The following EIF4G3 variants were observed in gnomAD, a reference collection of about 807,000 sequenced individuals.
The protein encoded by EIF4G3 is eukaryotic translation initiation factor 4 gamma 3, also known as eIF-4-gamma 3.
Under a neutral mutation model 186.4 loss-of-function variants are expected in EIF4G3, and 34 were observed. That is an observed-to-expected ratio of 0.18 (90% CI 0.14 to 0.24). The LOEUF (loss-of-function observed/expected upper bound fraction) is 0.24. EIF4G3 is among the 10% of genes least tolerant of loss of function. The pLI, the probability that EIF4G3 is intolerant of heterozygous loss-of-function variation, is 1.00. For synonymous variants in EIF4G3, 673 were observed against 679.5 expected, an observed-to-expected ratio of 0.99 and a Z score of 0.15; for missense variants, 1,536 against 1,948.5, an observed-to-expected ratio of 0.79 and a Z score of 3.99.
chr1:20,860,354 TTCTC>T (rs761821783), intron 24 of EIF4G3, 27 bp downstream of exon 24: 1 of 1,611,270 alleles, frequency 6.2e-7, no homozygotes, highest in Non-Finnish European at 8.5e-7. Context: ...AACTTCCAAG[TTCTC>T]TAAACCCTGG....
In EIF4G3 at chr1:20,943,578, A is replaced by G. The variant is rs532351131; in HGVS notation, c.824-1248T>C. 3.9e-5 allele frequency among the ~76,000 whole-genome samples: 6 copies of G among 152,344 alleles called. 1 individual carries two copies. The highest frequency in any genetic ancestry group is 9.6e-5 in the African/African-American group (4 of 41,592). On this transcript the variant is annotated intron_variant, in intron 13 of 36. Coordinates refer to ENST00000602326, the MANE Select transcript of EIF4G3 (RefSeq NM_001391906.1). Reference sequence around the variant, plus strand: ...AGGCTCCATGGAAAAACATATACTCATGAGTATGTTTATCAAATGACAACA... The same window carrying G: ...AGGCTCCATGGAAAAACATATACTCGTGAGTATGTTTATCAAATGACAACA...
intron 33 of EIF4G3, among the ~76,000 whole-genome samples, chr1:20,820,084 A>T (rs2061954743): frequency 6.6e-6 from 1 of 151,746 alleles, no homozygotes; most frequent in Non-Finnish European, 1.5e-5. Context: ...CACCCAAACC[A>T]TAGCTGCGGA....
chr1:20,930,990 G>A (rs1045337949), intron 14 of EIF4G3, among the ~76,000 whole-genome samples: 10 of 151,506 alleles, frequency 6.6e-5, no homozygotes, highest in Admixed American at 3.3e-4. Flanking sequence ...ACAGGCGTGC[G>A]CCACTGCACC....
intron 14 of EIF4G3, among the ~76,000 whole-genome samples, chr1:20,926,833 A>T (rs2094933808): frequency 6.6e-6 from 1 of 152,116 alleles, no homozygotes; most frequent in Non-Finnish European, 1.5e-5. Context: ...GTAAATAAAC[A>T]TTTAATAAAA....
chr1:20,966,475 A>ATTT (rs796461952), intron 12 of EIF4G3, among the ~76,000 whole-genome samples: 1 of 140,068 alleles, frequency 7.1e-6, no homozygotes, highest in Non-Finnish European at 1.6e-5. Context: ...ATGGGTCAAC[A>ATTT]TTTTTTTTTT....
intron 2 of EIF4G3, among the ~76,000 whole-genome samples, chr1:21,150,846 C>T (rs1490494111): frequency 6.6e-6 from 1 of 152,090 alleles, no homozygotes; most frequent in Non-Finnish European, 1.5e-5. Context: ...CATGGTGGCA[C>T]ATGCCTGTAA....
chr1:21,130,353 T>C lies in EIF4G3; in HGVS notation c.-271-41140A>G, dbSNP rs184436080. On this transcript the variant is annotated intron_variant, in intron 2 of 36. Transcript: ENST00000602326. ...AATTCTCCTGCCTCAGTCTCCCGAG[T>C]GGTTGGGATTAAAGGTGCCCACCAC... 2.1e-4 allele frequency among the ~76,000 whole-genome samples: 31 copies of C among 150,496 alleles called. No individual in the cohort carries two copies. The East Asian group carries it at 5.8e-3, about 28-fold the overall frequency.
intron 2 of EIF4G3, among the ~76,000 whole-genome samples, chr1:21,123,596 T>G (rs915272729): frequency 3.8e-4 from 57 of 151,626 alleles, no homozygotes; most frequent in African/African-American, 1.3e-3. Flanking sequence ...AAAAAAGTAT[T>G]AATAGATCAG....
chr1:20,810,632 G>T lies in EIF4G3; in HGVS notation c.4744+106C>A. On this transcript the variant is annotated intron_variant, in intron 36 of 36. Transcript: ENST00000602326. This position sits in a 1 kb window ranked among gnomAD's most constrained non-coding sequence, Gnocchi z 4.1. ...TTAGTTATATGAGTTTGTGTTATTA[G>T]TGATTCTTTTATTGTCCTTTGTTCG... The T allele has an allele frequency of 7.7e-7, 1 of 1,302,962 alleles. No individual in the cohort carries two copies. The highest frequency in any genetic ancestry group is 1.1e-6 in the Non-Finnish European group (1 of 930,692). The allele number at this position is 1,302,962 out of a possible 1,614,324, so 80.7% of individuals were successfully genotyped here.
Position 20,840,731 on chromosome 1 carries a change from A to G in EIF4G3, c.4061+125T>C, listed in dbSNP as rs12407283. On this transcript the variant is annotated intron_variant, in intron 30 of 36. Coordinates refer to ENST00000602326, the MANE Select transcript of EIF4G3 (RefSeq NM_001391906.1). Reference sequence around the variant, plus strand: ...AATATATTAATTGCATCATATCAACATATTACAGTGGATACAATTTTCATC... The same window carrying G: ...AATATATTAATTGCATCATATCAACGTATTACAGTGGATACAATTTTCATC... 1.3e-5 allele frequency: 11 copies of G among 822,874 alleles called. No individual in the cohort carries two copies. In the Admixed American group the frequency reaches 2.8e-4, roughly 21 times the overall value. The allele number at this position is 822,874 out of a possible 1,614,324, so 51.0% of individuals were successfully genotyped here.
chr1:21,169,565 T>C (rs146217834), intron 2 of EIF4G3: 2 of 152,336 alleles, frequency 1.3e-5, no homozygotes, highest in African/African-American at 4.8e-5. Flanking sequence ...AATTATGTCT[T>C]GCTCTTATAA....
chr1:21,024,102 C>T (rs2154571186), intron 4 of EIF4G3, among the ~76,000 whole-genome samples: 1 of 151,816 alleles, frequency 6.6e-6, no homozygotes, highest in South Asian at 2.1e-4. Flanking sequence ...CTCCGCCCAG[C>T]AGCCACCCCA....
intron 25 of EIF4G3, 75 bp downstream of exon 25, chr1:20,857,328 G>T (rs2075264974): frequency 1.3e-6 from 1 of 742,100 alleles, no homozygotes; most frequent in East Asian, 3.6e-5. Context: ...ATTGTAAATT[G>T]TGTGTGTGTG....
At chr1:21,124,644 T>C (rs1472203871) in intron 2 of EIF4G3, among the ~76,000 whole-genome samples, 1 of 152,234 alleles carries the variant, frequency 6.6e-6, no homozygotes, top group Non-Finnish European at 1.5e-5. Flanking sequence ...TAGTGTTTGG[T>C]ATCCCAATGT....
At chr1:20,945,109 T>C (rs967612674) in intron 13 of EIF4G3, among the ~76,000 whole-genome samples, 3 of 151,794 alleles carry the variant, frequency 2.0e-5, no homozygotes, top group African/African-American at 4.8e-5. Flanking sequence ...AAGCTGAAAA[T>C]GCAGAAAGCT....
chr1:21,111,254 G>C (rs1369889697), intron 2 of EIF4G3: 1 of 468,374 alleles, frequency 2.1e-6, no homozygotes, highest in African/African-American at 2.0e-5. Flanking sequence ...GGCACTCTAC[G>C]AAGGCATAGA....
chr1:20,887,219 A>ATTTTT (rs11304302), intron 18 of EIF4G3, among the ~76,000 whole-genome samples: 1 of 148,342 alleles, frequency 6.7e-6, no homozygotes, highest in Non-Finnish European at 1.5e-5. Context: ...CTGCCACCAG[A>ATTTTT]TTTTTTTTTT....
intron 3 of EIF4G3, among the ~76,000 whole-genome samples, chr1:21,057,737 C>T (rs763480012): frequency 6.6e-6 from 1 of 152,032 alleles, no homozygotes; most frequent in Non-Finnish European, 1.5e-5. Context: ...ACTACTAACA[C>T]CTGTGATAAA....
At chr1:20,872,126 T>TATAC (rs2079382404) in intron 20 of EIF4G3, among the ~76,000 whole-genome samples, 1 of 152,098 alleles carries the variant, frequency 6.6e-6, no homozygotes. Context: ...TGTGTGTGTG[T>TATAC]ATACACATAT....
Sources: gnomAD v4.1 joint callset for allele counts (sites outside exome capture counted in the v4.1 genomes callset) on GRCh38, gnomAD v4.1.1 for gene constraint, Gnocchi (gnomAD v3.1) non-coding constraint, MANE v1.5 for transcripts, NCBI Gene and HGNC (gene_info 2026-07-23, HGNC 2026-07-21) for gene names.